The following GHR variants were observed in gnomAD, a reference collection of about 807,000 sequenced individuals.
GHR encodes the protein GH receptor.
Under a neutral mutation model 67.1 loss-of-function variants are expected in GHR, and 35 were observed. That is an observed-to-expected ratio of 0.52 (90% CI 0.40 to 0.69). The LOEUF (loss-of-function observed/expected upper bound fraction) is 0.69, where lower values mean the gene tolerates loss of function less well. Among genes scored for constraint, GHR ranks in the 30% least tolerant of loss-of-function variants. The probability of loss-of-function intolerance (pLI) is 0.00; values close to 1 mark genes in which losing one functional copy is unlikely to be tolerated. For synonymous variants in GHR, 272 were observed against 269.1 expected (o/e 1.01, Z -0.10); for missense variants, 792 against 764.6 (o/e 1.04, Z -0.42).
intron 3 of GHR, among the ~76,000 whole-genome samples, chr5:42,673,016 C>T (rs1352762507): frequency 6.6e-6 from 1 of 152,100 alleles, no homozygotes; most frequent in Admixed American, 6.6e-5. Context: ...ACTGTGCTTC[C>T]AACCAAGATC....
chr5:42,562,489 T>C (rs765946448), intron 1 of GHR, among the ~76,000 whole-genome samples: 1 of 152,114 alleles, frequency 6.6e-6, no homozygotes, highest in Non-Finnish European at 1.5e-5. Context: ...ACCTCCTGTT[T>C]GGGAGCATGG....
chr5:42,614,219 C>T (rs1753027353), intron 2 of GHR, among the ~76,000 whole-genome samples: 1 of 152,042 alleles, frequency 6.6e-6, no homozygotes, highest in Admixed American at 6.6e-5. Context: ...GATGTTGTGA[C>T]ACCGTTTTCA....
Position 42,577,561 on chromosome 5 carries a change from G to A in GHR, c.70+11617G>A, listed in dbSNP as rs189211940. Among the ~76,000 whole-genome samples, 100 of 152,280 alleles carry A rather than the reference G, an allele frequency of 6.6e-4. 1 individual carries two copies. In the East Asian group the frequency reaches 0.019, roughly 29 times the overall value. The stretch of plus-strand genomic sequence containing the variant: ...ACATTCATGTACCATTTTCTCAAAG[G>A]AAAATTATTGAATGAACTTGCTAGT... On this transcript the variant is annotated intron_variant, in intron 2 of 9. Coordinates refer to ENST00000230882, the MANE Select transcript of GHR (RefSeq NM_000163.5).
At chr5:42,528,660 C>A (rs1251859169) in intron 1 of GHR, among the ~76,000 whole-genome samples, 3 of 152,144 alleles carry the variant, frequency 2.0e-5, no homozygotes, top group Admixed American at 2.0e-4. Context: ...AAGATTGACT[C>A]CAATTTTAAA....
intron 1 of GHR, among the ~76,000 whole-genome samples, chr5:42,495,006 GGCAACAT>G (rs1746261374): frequency 6.6e-6 from 1 of 151,958 alleles, no homozygotes; most frequent in Admixed American, 6.6e-5. Flanking sequence ...GTCTCACTGA[GGCAACAT>G]GCTAGCCTCC....
At chr5:42,432,018 T>C (rs2111898696) in intron 1 of GHR, among the ~76,000 whole-genome samples, 1 of 152,338 alleles carries the variant, frequency 6.6e-6, no homozygotes, top group African/African-American at 2.4e-5. Flanking sequence ...GAACAGGTAC[T>C]TTTATGTACT....
chr5:42,479,528 G>A (rs1236144479), intron 1 of GHR, among the ~76,000 whole-genome samples: 1 of 152,028 alleles, frequency 6.6e-6, no homozygotes, highest in Non-Finnish European at 1.5e-5. Context: ...ACTTTTTTTG[G>A]TTCGTAAGCT....
chr5:42,695,136 AAATGGGGAAGCCTGCAAGGTCCAAGTAT>A (rs1757613000), intron 5 of GHR, 47 bp downstream of exon 5: 2 of 1,334,752 alleles, frequency 1.5e-6, no homozygotes, highest in African/African-American at 1.4e-5. Flanking sequence ...TAGACTAAAT[AAATGGGGAAGCCTGCAAGGTCCAAGTAT>A]AATCAAGTAG....
chr5:42,478,655 G>A (rs1312553743), intron 1 of GHR, among the ~76,000 whole-genome samples: 3 of 152,190 alleles, frequency 2.0e-5, no homozygotes, highest in Admixed American at 6.5e-5. Context: ...AATTGTGAAT[G>A]GGAGTTCACT....
At chr5:42,476,885 T>A (rs1201419177) in intron 1 of GHR, among the ~76,000 whole-genome samples, 2 of 152,176 alleles carry the variant, frequency 1.3e-5, no homozygotes, top group Admixed American at 6.5e-5. Context: ...TTTTAAAAAA[T>A]TTTATTATTA....
intron 1 of GHR, among the ~76,000 whole-genome samples, chr5:42,521,898 T>C (rs1747489885): frequency 6.6e-6 from 1 of 152,230 alleles, no homozygotes; most frequent in Admixed American, 6.5e-5. Context: ...CTTTGCTGTT[T>C]TTAAATAATT....
Position 42,441,286 on chromosome 5 carries a change from G to A in GHR, c.-12+17331G>A, listed in dbSNP as rs78546737. On this transcript the variant is annotated intron_variant, in intron 1 of 9. Coordinates refer to ENST00000230882, the MANE Select transcript of GHR (RefSeq NM_000163.5). ...AAGGTGCTGATGAGGGGTAAAGTAA[G>A]AAGGTCCTGTAAATGTCCTCTTGGA... Among the ~76,000 whole-genome samples, 579 of 152,290 alleles carry A rather than the reference G, an allele frequency of 3.8e-3. 3 individuals are homozygous for A. The highest frequency in any genetic ancestry group is 0.014 in the African/African-American group (562 of 41,572).
intron 1 of GHR, among the ~76,000 whole-genome samples, chr5:42,464,668 G>A (rs1035619238): frequency 6.6e-6 from 1 of 152,176 alleles, no homozygotes; most frequent in Non-Finnish European, 1.5e-5. Flanking sequence ...TTTGTTAAGG[G>A]TATAAAGAGA....
At chr5:42,529,600 A>G (rs1747867325) in intron 1 of GHR, among the ~76,000 whole-genome samples, 1 of 152,136 alleles carries the variant, frequency 6.6e-6, no homozygotes. Flanking sequence ...TTCTGGGTTT[A>G]ACGGCCTATA....
chr5:42,566,785 T>G (rs1171926565), intron 2 of GHR, among the ~76,000 whole-genome samples: 1 of 151,936 alleles, frequency 6.6e-6, no homozygotes, highest in African/African-American at 2.4e-5. Context: ...GCTTTAAGAG[T>G]GTCAGACTCC....
intron 2 of GHR, among the ~76,000 whole-genome samples, chr5:42,594,844 AT>A (rs1384064041): frequency 1.3e-5 from 2 of 152,214 alleles, no homozygotes; most frequent in Non-Finnish European, 2.9e-5. Context: ...AAAACAACAC[AT>A]CCCATTAGCT....
intron 3 of GHR, among the ~76,000 whole-genome samples, chr5:42,650,576 A>ACATAT (rs1238563261): frequency 1.7e-4 from 9 of 53,404 alleles, no homozygotes; most frequent in African/African-American, 7.0e-4. Context: ...TTTTACAGAT[A>ACATAT]ACATATATAT....
intron 1 of GHR, among the ~76,000 whole-genome samples, chr5:42,451,871 A>G (rs1744066873): frequency 6.6e-6 from 1 of 152,182 alleles, no homozygotes; most frequent in Non-Finnish European, 1.5e-5. Flanking sequence ...GTCATTCTGT[A>G]TCTTTTAAGT....
chr5:42,651,129 G>A (rs1249582242), intron 3 of GHR, among the ~76,000 whole-genome samples: 1 of 152,168 alleles, frequency 6.6e-6, no homozygotes, highest in South Asian at 2.1e-4. Context: ...ATGCTGACAA[G>A]GCTGGAGCTA....
Sources: allele counts gnomAD v4.1 joint callset (sites outside exome capture counted in the v4.1 genomes callset), GRCh38; gene constraint gnomAD v4.1.1; transcripts MANE v1.5; gene names NCBI Gene and HGNC (gene_info 2026-07-23, HGNC 2026-07-21).